KMT2E: variants seen among roughly 807,000 people sequenced by gnomAD.
KMT2E encodes lysine methyltransferase 2E (inactive).
In KMT2E, 30 loss-of-function variants were observed where a neutral mutation model predicts 184.6. That is an observed-to-expected ratio of 0.16 (90% CI 0.12 to 0.22). The LOEUF (loss-of-function observed/expected upper bound fraction) is 0.22. KMT2E is among the 10% of genes least tolerant of loss of function. KMT2E has a pLI of 1.00. For missense variants in KMT2E, 2,023 were observed against 2,237.4 expected (o/e 0.90, Z 1.93); for synonymous variants, 815 against 776.5 (o/e 1.05, Z -0.82).
intron 3 of KMT2E, among the ~76,000 whole-genome samples, chr7:105,058,024 C>G (rs1796644444): frequency 6.6e-6 from 1 of 152,136 alleles, no homozygotes. Flanking sequence ...TAACAACCCC[C>G]TCTTTTAAAA....
intron 5 of KMT2E, among the ~76,000 whole-genome samples, chr7:105,066,444 C>T (rs1360627406): frequency 1.3e-5 from 2 of 152,050 alleles, no homozygotes; most frequent in East Asian, 1.9e-4. Context: ...GTGGCCGTCT[C>T]TACATTGTGA....
In KMT2E at chr7:105,091,445, T is replaced by TG. The variant is rs1479755185; in HGVS notation, c.1722+133dup. 15 of 691,364 alleles carry TG rather than the reference T, an allele frequency of 2.2e-5. No homozygotes were observed. The African/African-American group carries it at 2.5e-4, about 12-fold the overall frequency. 42.8% of individuals were successfully genotyped at this position (691,364 alleles called of 1,614,324 possible). ...TGATGTGCCATTGAGCATTTTTATT[T>TG]GGTTTGGTCATTGCCATTTAAATAA... On this transcript the variant is annotated intron_variant, in intron 15 of 26. Coordinates refer to ENST00000311117, the MANE Select transcript of KMT2E (RefSeq NM_182931.3).
In KMT2E at chr7:105,082,220, T is replaced by G. The variant is rs540345802; in HGVS notation, c.1358+423T>G. ...ATAAATTAAAAGGGTTTGTTGGAGA[T>G]CCTACAAAGAAACTCTAAGAACTAT... On this transcript the variant is annotated intron_variant, in intron 13 of 26. Coordinates refer to ENST00000311117, the MANE Select transcript of KMT2E (RefSeq NM_182931.3). 2.0e-4 allele frequency among the ~76,000 whole-genome samples: 31 copies of G among 152,284 alleles called. 1 individual carries two copies. In the South Asian group the frequency reaches 6.4e-3, roughly 32 times the overall value.
chr7:105,072,235 A>C (rs1316099301), intron 6 of KMT2E, among the ~76,000 whole-genome samples: 1 of 152,008 alleles, frequency 6.6e-6, no homozygotes, highest in Non-Finnish European at 1.5e-5. Context: ...GCAGAATGGC[A>C]TGAACCTGGG....
chr7:105,034,784 AT>A, intron 1 of KMT2E, among the ~76,000 whole-genome samples: 1 of 138,406 alleles, frequency 7.2e-6, no homozygotes, highest in South Asian at 2.2e-4. Flanking sequence ...CATTTCTGTA[AT>A]TTATTACTTT....
Position 105,107,178 on chromosome 7 carries a change from C to T in KMT2E, c.2860C>T (p.Pro954Ser). The T allele has an allele frequency of 6.6e-7, 1 of 1,525,776 alleles. No individual in the cohort carries two copies. The highest frequency in any genetic ancestry group is 8.9e-7 in the Non-Finnish European group (1 of 1,119,682). The allele number at this position is 1,525,776 out of a possible 1,614,324, so 94.5% of individuals were successfully genotyped here. A position where few individuals can be genotyped will look rare whatever the true frequency, so the allele number is the denominator to read the frequency against. ...NTMHFENISS[P>S]ESSPEIKRRT... ...TCTTTATATACAGAATATTTCTTCCCCAGAAAGTTCTCCAGAAATAAAGAG... is the reference window on the plus strand; with the variant it reads ...TCTTTATATACAGAATATTTCTTCCTCAGAAAGTTCTCCAGAAATAAAGAG... The change falls in exon 21 of 27, where the codon CCA (proline) becomes TCA (serine). Residue 954 changes from proline to serine, a missense_variant. Pro to Ser is a moderately conservative substitution (Grantham distance 74). Transcript: ENST00000311117.
intron 9 of KMT2E, among the ~76,000 whole-genome samples, chr7:105,076,662 G>A (rs1442884909): frequency 6.6e-6 from 1 of 152,202 alleles, no homozygotes; most frequent in Non-Finnish European, 1.5e-5. Context: ...GGTCACAGAG[G>A]TCAGCTGTAT....
intron 6 of KMT2E, among the ~76,000 whole-genome samples, chr7:105,069,600 A>G (rs1797195987): frequency 6.6e-6 from 1 of 152,212 alleles, no homozygotes; most frequent in Non-Finnish European, 1.5e-5. Flanking sequence ...CATTAATTTT[A>G]TTGATTTTTA....
At chr7:105,027,401 G>A (rs58727441) in intron 1 of KMT2E, among the ~76,000 whole-genome samples, 1 of 152,016 alleles carries the variant, frequency 6.6e-6, no homozygotes, top group Non-Finnish European at 1.5e-5. Context: ...CAAAGGTACT[G>A]GTCCCTTATA....
At chr7:105,017,855 A>G (rs1794782813) in intron 1 of KMT2E, among the ~76,000 whole-genome samples, 1 of 152,220 alleles carries the variant, frequency 6.6e-6, no homozygotes, top group Non-Finnish European at 1.5e-5. Context: ...GTTTAAGTGT[A>G]GAGCCTTGAC....
intron 5 of KMT2E, chr7:105,064,164 G>GTTTTTTTTTTTTTTTTTTTTTTTTTTT (rs66946883): frequency 1.3e-5 from 1 of 74,154 alleles, no homozygotes; most frequent in African/African-American, 9.0e-5. Context: ...TTTTTTCTTG[G>GTTTTTTTTTTTTTTTTTTTTTTTTTTT]TTTTTTTTTT....
chr7:105,062,995 TTTTTC>T (rs1363302278), intron 4 of KMT2E, among the ~76,000 whole-genome samples: 1 of 134,424 alleles, frequency 7.4e-6, no homozygotes, highest in Non-Finnish European at 1.7e-5. Context: ...TGTGTTTTTC[TTTTTC>T]TTTTTTTTTT....
At chr7:105,059,014 A>G (rs1386197459) in intron 3 of KMT2E, among the ~76,000 whole-genome samples, 1 of 152,186 alleles carries the variant, frequency 6.6e-6, no homozygotes, top group Non-Finnish European at 1.5e-5. Flanking sequence ...AGATATCAAA[A>G]TTATGTATGT....
intron 25 of KMT2E, 35 bp downstream of exon 25, chr7:105,110,637 A>G: frequency 2.5e-6 from 4 of 1,613,018 alleles, no homozygotes; most frequent in Non-Finnish European, 3.4e-6. Context: ...GTTATTCTTA[A>G]CAAATTTTAA....
In KMT2E at chr7:105,029,922, A is replaced by G. The variant is rs913741297; in HGVS notation, c.-188-8204A>G. On this transcript the variant is annotated intron_variant, in intron 1 of 26. Coordinates refer to ENST00000311117, the MANE Select transcript of KMT2E (RefSeq NM_182931.3). ...TGTTTTTTCATGTTCATTTAAAGGA[A>G]GGAGGAGAGATTTATGTGTTAGAAA... Among the ~76,000 whole-genome samples, 43 of 152,300 alleles carry G rather than the reference A, an allele frequency of 2.8e-4. No individual in the cohort carries two copies. The Middle Eastern group carries it at 0.01, about 36-fold the overall frequency.
chr7:105,112,482 C>A lies in KMT2E; in HGVS notation c.4726C>A (p.Leu1576Ile). Reference protein sequence around the residue: ...FQNYNQLKGSLSQQTVFTSGP... With the variant: ...FQNYNQLKGSISQQTVFTSGP... Reference sequence around the variant, plus strand: ...GAATTATAATCAGCTCAAAGGTAGTCTTTCTCAACAAACTGTGTTTACATC... The same window carrying A: ...GAATTATAATCAGCTCAAAGGTAGTATTTCTCAACAAACTGTGTTTACATC... Residue 1576 changes from leucine (L) to isoleucine (I), a missense_variant, in exon 27 of 27, where the codon CTT (leucine) becomes ATT (isoleucine). By Grantham distance (5) the Leu-to-Ile change is conservative. Around this residue, in one of 8 missense-constraint regions of KMT2E, gnomAD observed 1,108 missense variants for 1,050.9 expected, o/e 1.05. Coordinates refer to ENST00000311117, the MANE Select transcript of KMT2E (RefSeq NM_182931.3). 1.2e-6 allele frequency: 2 copies of A among 1,614,026 alleles called. No individual in the cohort carries two copies. Among genetic ancestry groups the A allele is most frequent in the Non-Finnish European group, 1.7e-6 (2 of 1,180,002 alleles).
intron 8 of KMT2E, among the ~76,000 whole-genome samples, chr7:105,075,189 T>C (rs1584763127): frequency 7.8e-6 from 1 of 127,582 alleles, no homozygotes; most frequent in African/African-American, 2.7e-5. Context: ...CTTTGCCTCC[T>C]TTTTTTTTTT....
chr7:105,106,599 C>G lies in KMT2E; in HGVS notation c.2674C>G (p.Pro892Ala). Residue 892 changes from proline (P) to alanine (A), a missense_variant, in exon 20 of 27, where the codon CCT becomes GCT. By Grantham distance (27) the Pro-to-Ala change is conservative. Around this residue, in one of 8 missense-constraint regions of KMT2E, gnomAD observed 514 missense variants for 621.8 expected, o/e 0.83. Transcript: ENST00000311117. The stretch of plus-strand genomic sequence containing the variant: ...TTACTCAGAAACCTCCACACCTACT[C>G]CTTCCCCGTATGCTACACCAACTCA... ...SVYSETSTPT[P>A]SPYATPTHTD... 6.2e-7 allele frequency: 1 copy of G among 1,613,956 alleles called. No individual in the cohort carries two copies. Among genetic ancestry groups the G allele is most frequent in the South Asian group, 1.1e-5 (1 of 91,080 alleles).
intron 1 of KMT2E, among the ~76,000 whole-genome samples, chr7:105,027,876 CTTAGT>C (rs1309356097): frequency 6.6e-6 from 1 of 151,952 alleles, no homozygotes; most frequent in East Asian, 1.9e-4. Context: ...TAAGTCTACT[CTTAGT>C]TTAGTCTTAA....
Sources: allele counts gnomAD v4.1 joint callset (sites outside exome capture counted in the v4.1 genomes callset), GRCh38; gene constraint gnomAD v4.1.1; regional missense constraint gnomAD v4.1.1; transcripts MANE v1.5; gene names NCBI Gene and HGNC (gene_info 2026-07-23, HGNC 2026-07-21).